DNAH6: variants seen among roughly 807,000 people sequenced by gnomAD.
DNAH6 encodes dynein axonemal heavy chain 6.
A neutral mutation model predicts 491.4 loss-of-function variants in DNAH6; 340 were observed. The ratio of observed to expected loss-of-function variants is 0.69; its 90% CI spans 0.63 to 0.76. DNAH6 has a LOEUF of 0.76. DNAH6 is among the 30% of genes least tolerant of loss of function. The pLI, the probability that DNAH6 is intolerant of heterozygous loss-of-function variation, is 0.00. For missense variants in DNAH6, 4,443 were observed against 4,972.2 expected, an observed-to-expected ratio of 0.89 and a Z score of 3.20; for synonymous variants, 1,603 against 1,686.1, an observed-to-expected ratio of 0.95 and a Z score of 1.21.
At chr2:84,811,927 C>A (rs532051133) in intron 72 of DNAH6, among the ~76,000 whole-genome samples, 41 of 152,070 alleles carry the variant, frequency 2.7e-4, no homozygotes, top group African/African-American at 8.2e-4. Context: ...ACCCTCTGAG[C>A]AAAAATGACC....
chr2:84,606,446 C>T (rs906262875), intron 20 of DNAH6, among the ~76,000 whole-genome samples: 6 of 151,936 alleles, frequency 3.9e-5, no homozygotes, highest in Admixed American at 2.0e-4. Flanking sequence ...TCACATGCTC[C>T]GTGAGAGATG....
chr2:84,621,368 C>A lies in DNAH6; in HGVS notation c.3957+13C>A. 1 of 1,550,932 alleles carries A rather than the reference C, an allele frequency of 6.4e-7. No homozygotes were observed. ...CCACCCTTCTCAAGTAACTCACACTCACATTTCATATCCCTGAATTCTTAT... is the reference window on the plus strand; with the variant it reads ...CCACCCTTCTCAAGTAACTCACACTAACATTTCATATCCCTGAATTCTTAT... On this transcript the variant is annotated intron_variant, in intron 25 of 76. Coordinates refer to ENST00000389394, the MANE Select transcript of DNAH6 (RefSeq NM_001370.2).
chr2:84,624,853 G>A, intron 28 of DNAH6, 49 bp from the exon 29 acceptor site: 1 of 1,475,660 alleles, frequency 6.8e-7, no homozygotes. Flanking sequence ...GCCTTAATTT[G>A]TGGCCAGAGT....
the DNAH6 span, among the ~76,000 whole-genome samples, chr2:84,490,803 C>T: frequency 6.6e-6 from 1 of 152,230 alleles, no homozygotes; most frequent in Non-Finnish European, 1.5e-5. Context: ...CTCAAGTGAT[C>T]CACCCACCTC....
intron 45 of DNAH6, among the ~76,000 whole-genome samples, chr2:84,692,417 GTAGATAGATAGATAGA>G (rs3029918): frequency 0.097 from 14,103 of 144,874 alleles, 693 homozygotes; most frequent in African/African-American, 0.13. Flanking sequence ...TATAAATAAG[GTAGATAGATAGATAGA>G]TAGATAGATA....
chr2:84,696,495 C>T (rs1192293), intron 46 of DNAH6, among the ~76,000 whole-genome samples: 5,210 of 151,936 alleles, frequency 0.034, 136 homozygotes, highest in Non-Finnish European at 0.053. Context: ...AGAAACTACA[C>T]AAATTAGTTT....
At chr2:84,692,450 T>C (rs1439479059) in intron 45 of DNAH6, among the ~76,000 whole-genome samples, 1 of 151,752 alleles carries the variant, frequency 6.6e-6, no homozygotes, top group East Asian at 1.9e-4. Flanking sequence ...GATAGATAGA[T>C]AGATAGATAG....
At chr2:84,807,387 G>A (rs1450047410) in intron 71 of DNAH6, among the ~76,000 whole-genome samples, 1 of 152,156 alleles carries the variant, frequency 6.6e-6, no homozygotes, top group African/African-American at 2.4e-5. Context: ...AGCTCATATC[G>A]TTCTTCATCT....
In DNAH6 at chr2:84,697,603, T is replaced by A; in HGVS notation, c.7553T>A (p.Ile2518Lys). The A allele has an allele frequency of 6.4e-7, 1 of 1,551,964 alleles. No homozygotes were observed. Reference protein sequence around the residue: ...QIVVEEFLEDINNILNSGEVP... With the variant: ...QIVVEEFLEDKNNILNSGEVP... ...GTAGTGGAGGAGTTCCTAGAAGATATAAATAACATCCTGAACTCAGGTGAA... is the reference window on the plus strand; with the variant it reads ...GTAGTGGAGGAGTTCCTAGAAGATAAAAATAACATCCTGAACTCAGGTGAA... Residue 2518 changes from isoleucine (I) to lysine (K), a missense_variant, in exon 47 of 77, where the codon ATA becomes AAA. Physicochemically the swap from Ile to Lys is moderately radical, Grantham distance 102. Transcript: ENST00000389394.
chr2:84,769,254 A>G (rs1168713241), intron 64 of DNAH6, among the ~76,000 whole-genome samples: 3 of 152,208 alleles, frequency 2.0e-5, no homozygotes, highest in African/African-American at 7.2e-5. Context: ...GCCAGAGAAT[A>G]AAAGCCATAT....
At chr2:84,491,516 CAT>C in the DNAH6 span, among the ~76,000 whole-genome samples, 1 of 152,150 alleles carries the variant, frequency 6.6e-6, no homozygotes, top group Admixed American at 6.6e-5. Context: ...GCCAATGAGA[CAT>C]AAGTCCAAAT....
intron 68 of DNAH6, among the ~76,000 whole-genome samples, chr2:84,792,569 G>A (rs946194162): frequency 1.8e-4 from 27 of 152,108 alleles, no homozygotes; most frequent in African/African-American, 6.5e-4. Flanking sequence ...GGGGGTGAGG[G>A]GAGGCCAAGA....
chr2:84,682,529 A>C (rs555197547), intron 42 of DNAH6, among the ~76,000 whole-genome samples: 1 of 152,174 alleles, frequency 6.6e-6, no homozygotes, highest in East Asian at 1.9e-4. Flanking sequence ...TCTGACTTTC[A>C]TATCCAGCTT....
rs569877775 is a variant in DNAH6, at chr2:84,740,839, G to A, written c.10343-4241G>A. On this transcript the variant is annotated intron_variant, in intron 62 of 76. Transcript: ENST00000389394. Reference sequence around the variant, plus strand: ...CCCACTCCAGTCTTGTGATGGGAGAGAGCGTAATTCCACCACCTACTACTG... The same window carrying A: ...CCCACTCCAGTCTTGTGATGGGAGAAAGCGTAATTCCACCACCTACTACTG... 2.0e-5 allele frequency among the ~76,000 whole-genome samples: 3 copies of A among 152,304 alleles called. No individual in the cohort carries two copies. The South Asian group carries it at 6.2e-4, about 32-fold the overall frequency.
chr2:84,594,065 C>T lies in DNAH6; in HGVS notation c.2704C>T (p.Leu902Phe). 2 of 1,546,862 alleles carry T rather than the reference C, an allele frequency of 1.3e-6. No homozygotes were observed. Among genetic ancestry groups the T allele is most frequent in the Non-Finnish European group, 1.7e-6 (2 of 1,143,258 alleles). ...GGATTCTTTCTCTGAATGGGATAAA[C>T]TCCAACAAGAATGGTTAAAGGTAGG... ...LWDSFSEWDK[L>F]QQEWLKSKFD... The change falls in exon 17 of 77, where the codon CTC (leucine) becomes TTC (phenylalanine). Residue 902 changes from leucine (L) to phenylalanine (F), a missense_variant. This residue lies in a region of DNAH6 where 2,977 missense variants were observed against 3,296.6 expected (regional missense o/e 0.90). Coordinates refer to ENST00000389394, the MANE Select transcript of DNAH6 (RefSeq NM_001370.2).
chr2:84,691,457 T>C (rs1485760157), intron 45 of DNAH6, among the ~76,000 whole-genome samples: 1 of 152,230 alleles, frequency 6.6e-6, no homozygotes, highest in Non-Finnish European at 1.5e-5. Context: ...AGACATCTGA[T>C]GTGTCTTTGA....
rs561019242 is a variant in DNAH6 at position 84,787,213 on chromosome 2, A to G, written c.11150A>G (p.Asn3717Ser). 6 of 1,542,284 alleles carry G rather than the reference A, an allele frequency of 3.9e-6. No homozygotes were observed. In the South Asian group the frequency reaches 6.0e-5, roughly 16 times the overall value. Reference sequence around the variant, plus strand: ...GGTTGGAATATCTGCTATGAATTTAATGACAGTGACAGGGAATGTGCTTTA... The same window carrying G: ...GGTTGGAATATCTGCTATGAATTTAGTGACAGTGACAGGGAATGTGCTTTA... ...PLGWNICYEFNDSDRECALLN... is the reference protein window; with the variant it reads ...PLGWNICYEFSDSDRECALLN... Residue 3717 changes from asparagine to serine, a missense_variant, in exon 68 of 77, where the codon AAT becomes AGT. Around this residue, in one of 3 missense-constraint regions of DNAH6, gnomAD observed 1,463 missense variants for 1,656.6 expected, o/e 0.88. Coordinates refer to ENST00000389394, the MANE Select transcript of DNAH6 (RefSeq NM_001370.2).
intron 42 of DNAH6, among the ~76,000 whole-genome samples, chr2:84,684,365 C>A (rs759662121): frequency 6.6e-6 from 1 of 152,170 alleles, no homozygotes; most frequent in Non-Finnish European, 1.5e-5. Flanking sequence ...AATTCAGGAT[C>A]CACTTTATTT....
chr2:84,760,092 G>T (rs1315924771), intron 63 of DNAH6, among the ~76,000 whole-genome samples: 1 of 152,150 alleles, frequency 6.6e-6, no homozygotes, highest in Non-Finnish European at 1.5e-5. Context: ...GTAAATGGTG[G>T]TGGGAAAATT....
Sources: gnomAD v4.1 joint callset for allele counts (sites outside exome capture counted in the v4.1 genomes callset) on GRCh38, gnomAD v4.1.1 for gene constraint, gnomAD v4.1.1 regional missense constraint, MANE v1.5 for transcripts, NCBI Gene and HGNC (gene_info 2026-07-23, HGNC 2026-07-21) for gene names.